Variants in DIAPH2 observed in about 807,000 individuals in gnomAD.
DIAPH2 encodes diaphanous related formin 2, also known as protein diaphanous homolog 2.
Under a neutral mutation model 92.7 loss-of-function variants are expected in DIAPH2, and 35 were observed. The observed-to-expected ratio is 0.38, with a 90% confidence interval of 0.29 to 0.50. The LOEUF (loss-of-function observed/expected upper bound fraction) is 0.50. Ranked by LOEUF, DIAPH2 falls within the 20% of genes least tolerant of loss-of-function variation. The probability of loss-of-function intolerance (pLI) is 0.94; values close to 1 mark genes in which losing one functional copy is unlikely to be tolerated. For missense variants in DIAPH2, 701 were observed against 819.5 expected (o/e 0.86, Z 1.77); for synonymous variants, 301 against 280.4 (o/e 1.07, Z -0.73).
intron 22 of DIAPH2, among the ~76,000 whole-genome samples, chrX:97,205,177 A>G (rs1325315509): frequency 2.7e-5 from 3 of 112,403 alleles, no homozygotes; most frequent in Non-Finnish European, 5.6e-5. Flanking sequence ...AATTAACTCA[A>G]GATGTATTAA....
intron 1 of DIAPH2, among the ~76,000 whole-genome samples, chrX:96,729,080 C>T (rs936166906): frequency 1.8e-5 from 2 of 111,997 alleles, no homozygotes; most frequent in African/African-American, 6.5e-5. Flanking sequence ...GGAGACAACT[C>T]AAAGTAAGGC....
chrX:97,432,364 G>A (rs995670678), intron 26 of DIAPH2, among the ~76,000 whole-genome samples: 25 of 110,534 alleles, frequency 2.3e-4, no homozygotes, highest in Non-Finnish European at 4.4e-4. Flanking sequence ...GTGCGATCTC[G>A]GCCCACTGCA....
At chrX:96,934,022 G>A (rs1031197254) in intron 10 of DIAPH2, among the ~76,000 whole-genome samples, 5 of 110,718 alleles carry the variant, frequency 4.5e-5, no homozygotes, top group African/African-American at 1.6e-4. Context: ...TGCTGGGATC[G>A]CATATACAAG....
intron 4 of DIAPH2, among the ~76,000 whole-genome samples, chrX:96,816,414 A>G (rs914416007): frequency 3.6e-5 from 4 of 112,300 alleles, no homozygotes; most frequent in Admixed American, 1.9e-4. Context: ...TGTCTTTTGC[A>G]TCAGTATATG....
chrX:97,561,934 T>A (rs1469395550), intron 26 of DIAPH2, among the ~76,000 whole-genome samples: 6 of 112,197 alleles, frequency 5.3e-5, no homozygotes, highest in African/African-American at 1.9e-4. Flanking sequence ...CATAAAACCA[T>A]GAATATTTTT....
At chrX:97,475,453 A>T (rs973125981) in intron 26 of DIAPH2, among the ~76,000 whole-genome samples, 2 of 112,062 alleles carry the variant, frequency 1.8e-5, no homozygotes, top group African/African-American at 6.5e-5. Flanking sequence ...TCCTGCTGTC[A>T]AAAGGTAGCT....
At chrX:97,404,307 T>G (rs1417564794) in intron 25 of DIAPH2, among the ~76,000 whole-genome samples, 1 of 112,017 alleles carries the variant, frequency 8.9e-6, no homozygotes, top group Non-Finnish European at 1.9e-5. Flanking sequence ...AAAGTTTTAT[T>G]TGTAAACCTA....
intron 21 of DIAPH2, among the ~76,000 whole-genome samples, chrX:97,115,217 C>CA (rs1348552417): frequency 1.8e-5 from 2 of 111,508 alleles, no homozygotes; most frequent in Non-Finnish European, 3.8e-5. Context: ...AGTTTATAGA[C>CA]AAAAAAATCC....
chrX:96,984,520 G>A (rs1423224384), intron 17 of DIAPH2, among the ~76,000 whole-genome samples: 1 of 111,287 alleles, frequency 9.0e-6, no homozygotes, highest in African/African-American at 3.3e-5. Flanking sequence ...TTTAAGTTGT[G>A]AAACTCTTTT....
chrX:97,297,076 CTTTTTTTTTTTTTTTTTTTTTT>C (rs57145821), intron 23 of DIAPH2, among the ~76,000 whole-genome samples: 1 of 20,729 alleles, frequency 4.8e-5, no homozygotes, highest in South Asian at 9.9e-3. Flanking sequence ...CAGGCCTGGC[CTTTTTTTTTTTTTTTTTTTTTT>C]TTTTTTTTTT....
At chrX:97,102,201 A>G (rs2066910489) in intron 20 of DIAPH2, among the ~76,000 whole-genome samples, 1 of 111,614 alleles carries the variant, frequency 9.0e-6, no homozygotes, top group African/African-American at 3.3e-5. Context: ...CTTTATTTCA[A>G]TCAGACTCTC....
chrX:97,574,305 G>A (rs1431547026), intron 26 of DIAPH2, among the ~76,000 whole-genome samples: 2 of 111,706 alleles, frequency 1.8e-5, no homozygotes, highest in African/African-American at 6.5e-5. Context: ...ATCAAAAAAG[G>A]CAATCAAAGC....
At position 97,183,062 on chromosome X, in the gene DIAPH2, C is replaced by T. The variant is rs754530708; in HGVS notation, c.2719+41268C>T. Among the ~76,000 whole-genome samples, 5 of 111,162 alleles carry T rather than the reference C, an allele frequency of 4.5e-5. No individual in the cohort carries two copies. In the East Asian group the frequency reaches 1.4e-3, roughly 31 times the overall value. On this transcript the variant is annotated intron_variant, in intron 22 of 26. Transcript: ENST00000324765. ...GAGAAGCTGGGTGGGGTATTTATGC[C>T]GAAGCAGTGTTTAGAAAACTTATGG...
intron 4 of DIAPH2, among the ~76,000 whole-genome samples, chrX:96,821,566 G>T (rs1032598043): frequency 8.9e-6 from 1 of 111,905 alleles, no homozygotes; most frequent in Admixed American, 9.5e-5. Flanking sequence ...TAACATTTTT[G>T]AGGTTATTTA....
At chrX:97,211,991 T>C (rs923558993) in intron 22 of DIAPH2, among the ~76,000 whole-genome samples, 6 of 111,228 alleles carry the variant, frequency 5.4e-5, no homozygotes, top group Non-Finnish European at 9.4e-5. Flanking sequence ...AAAACAATTG[T>C]CCTAAAGGAT....
At chrX:96,949,125 G>T in intron 15 of DIAPH2, 86 bp downstream of exon 15, 1 of 545,204 alleles carries the variant, frequency 1.8e-6, no homozygotes, top group South Asian at 5.2e-5. Context: ...GGAAAAATGT[G>T]ACCAGAAGCA....
At chrX:96,899,751 C>G (rs1239268976) in intron 5 of DIAPH2, among the ~76,000 whole-genome samples, 2 of 109,654 alleles carry the variant, frequency 1.8e-5, no homozygotes, top group African/African-American at 3.3e-5. Context: ...CTGGCCAGAA[C>G]TTCCAACACT....
chrX:97,343,978 C>G (rs1278186122), intron 23 of DIAPH2, among the ~76,000 whole-genome samples: 4 of 111,340 alleles, frequency 3.6e-5, no homozygotes, highest in Non-Finnish European at 7.5e-5. Context: ...TTATCTAGCT[C>G]CCACAACTCT....
At chrX:96,885,186 A>G in intron 5 of DIAPH2, 1 of 764,736 alleles carries the variant, frequency 1.3e-6, no homozygotes. Flanking sequence ...AGTAGGACTA[A>G]AAAAAAAAAT....
Sources: allele counts gnomAD v4.1 joint callset (sites outside exome capture counted in the v4.1 genomes callset), GRCh38; gene constraint gnomAD v4.1.1; transcripts MANE v1.5; gene names NCBI Gene and HGNC (gene_info 2026-07-23, HGNC 2026-07-21).